The following NAV2 variants were observed in gnomAD, a reference collection of about 807,000 sequenced individuals.
NAV2 encodes neuron navigator 2, also known as helicase, APC down-regulated 1.
NAV2 carries 54 observed loss-of-function variants against 223.2 expected under a neutral mutation model. The ratio of observed to expected loss-of-function variants is 0.24; its 90% CI spans 0.19 to 0.30. The LOEUF is 0.30. NAV2 is among the 10% of genes least tolerant of loss of function. The probability of loss-of-function intolerance (pLI) is 1.00; values close to 1 mark genes in which losing one functional copy is unlikely to be tolerated. For missense variants in NAV2, 2,806 were observed against 3,147.5 expected, an observed-to-expected ratio of 0.89 and a Z score of 2.60; for synonymous variants, 1,279 against 1,239.3, an observed-to-expected ratio of 1.03 and a Z score of -0.67.
At chr11:19,633,327 C>A (rs2047397509) in intron 1 of NAV2, among the ~76,000 whole-genome samples, 1 of 152,234 alleles carries the variant, frequency 6.6e-6, no homozygotes, top group Admixed American at 6.5e-5. Context: ...GATTTTGTCT[C>A]CCCAGACAGA....
At chr11:19,476,656 A>C (rs185404154) in intron 1 of NAV2, among the ~76,000 whole-genome samples, 89 of 152,354 alleles carry the variant, frequency 5.8e-4, no homozygotes, top group Middle Eastern at 3.4e-3. Context: ...AGCACATGTT[A>C]GACAGAACAA....
chr11:20,079,414 C>T (rs1324675449), intron 24 of NAV2, among the ~76,000 whole-genome samples: 3 of 152,148 alleles, frequency 2.0e-5, no homozygotes, highest in Non-Finnish European at 4.4e-5. Context: ...TGGTTTGACC[C>T]TACAACTAGT....
intron 1 of NAV2, among the ~76,000 whole-genome samples, chr11:19,673,805 G>A (rs1010220895): frequency 4.6e-5 from 7 of 152,140 alleles, no homozygotes; most frequent in African/African-American, 1.7e-4. Flanking sequence ...AGCAACCAGG[G>A]CTCAGGGGCA....
chr11:20,037,651 A>C (rs548216507), intron 12 of NAV2, among the ~76,000 whole-genome samples: 1 of 152,334 alleles, frequency 6.6e-6, no homozygotes, highest in Admixed American at 6.5e-5. Flanking sequence ...CTATGTAAGT[A>C]TGTTAATTTT....
intron 11 of NAV2, among the ~76,000 whole-genome samples, chr11:20,011,777 T>C (rs186820344): frequency 2.6e-5 from 4 of 152,388 alleles, no homozygotes; most frequent in African/African-American, 9.6e-5. Context: ...ACATCATTCT[T>C]AATGGTCACA....
intron 1 of NAV2, among the ~76,000 whole-genome samples, chr11:19,673,501 C>T (rs1399029070): frequency 6.6e-6 from 1 of 152,240 alleles, no homozygotes; most frequent in Admixed American, 6.5e-5. Context: ...AACCTCTCCT[C>T]TCACCACCCT....
At chr11:19,511,890 C>T (rs1448024813) in intron 1 of NAV2, among the ~76,000 whole-genome samples, 2 of 152,178 alleles carry the variant, frequency 1.3e-5, no homozygotes, top group African/African-American at 4.8e-5. Context: ...TCCCTCCTGA[C>T]CCAGGACACA....
At position 19,999,732 on chromosome 11, in the gene NAV2, C is replaced by T. The variant is rs540006263; in HGVS notation, c.2768+15485C>T. Among the ~76,000 whole-genome samples the T allele has an allele frequency of 6.6e-5, 10 of 152,268 alleles. No homozygotes were observed. The South Asian group carries it at 1.7e-3, about 25-fold the overall frequency. On this transcript the variant is annotated intron_variant, in intron 11 of 37. Coordinates refer to ENST00000349880, the MANE Select transcript of NAV2 (RefSeq NM_145117.5). ...AGTTCAGATGCTGACTGTGCTGCTA[C>T]GTAGAGGTCAGTTAACCATCCTGAG...
At chr11:19,975,368 A>G (rs940527380) in intron 10 of NAV2, among the ~76,000 whole-genome samples, 28 of 152,364 alleles carry the variant, frequency 1.8e-4, no homozygotes, top group African/African-American at 6.7e-4. Flanking sequence ...CTATTGTTAT[A>G]ATCCTTGGCT....
intron 1 of NAV2, among the ~76,000 whole-genome samples, chr11:19,436,935 C>T (rs1160212636): frequency 6.6e-6 from 1 of 151,984 alleles, no homozygotes; most frequent in Non-Finnish European, 1.5e-5. Context: ...ATTTTATATC[C>T]TGTAACTTTA....
chr11:20,070,132 G>A (rs951541366), intron 22 of NAV2, among the ~76,000 whole-genome samples: 1 of 152,148 alleles, frequency 6.6e-6, no homozygotes, highest in Non-Finnish European at 1.5e-5. Flanking sequence ...TTAATTCTGA[G>A]GCGTAGGTCC....
intron 1 of NAV2, among the ~76,000 whole-genome samples, chr11:19,471,892 C>T (rs1042669493): frequency 3.9e-5 from 6 of 152,190 alleles, no homozygotes; most frequent in African/African-American, 1.4e-4. Flanking sequence ...TCAGATCCTC[C>T]CTCCTACCTG....
intron 6 of NAV2, among the ~76,000 whole-genome samples, chr11:19,898,131 G>A (rs2042152256): frequency 6.6e-6 from 1 of 151,942 alleles, no homozygotes. Context: ...TTATGAATTT[G>A]AAACATTTGG....
intron 1 of NAV2, among the ~76,000 whole-genome samples, chr11:19,809,176 T>C (rs2058731413): frequency 1.3e-5 from 2 of 152,212 alleles, no homozygotes; most frequent in Admixed American, 6.5e-5. Context: ...TTCTAGGAAA[T>C]TCATGCATGC....
chr11:19,936,549 C>T (rs561772529), intron 7 of NAV2, among the ~76,000 whole-genome samples: 1 of 152,260 alleles, frequency 6.6e-6, no homozygotes, highest in East Asian at 1.9e-4. Context: ...TCCTTCTGTC[C>T]CCTCTGAGTT....
intron 11 of NAV2, among the ~76,000 whole-genome samples, chr11:20,000,840 C>T (rs993739457): frequency 5.9e-5 from 9 of 152,184 alleles, no homozygotes; most frequent in African/African-American, 1.2e-4. Context: ...CTCTGTAGCA[C>T]GTCCTTGTGT....
At chr11:19,513,727 A>G (rs1401940174) in intron 1 of NAV2, among the ~76,000 whole-genome samples, 1 of 152,230 alleles carries the variant, frequency 6.6e-6, no homozygotes, top group African/African-American at 2.4e-5. Flanking sequence ...TAAAGTCATC[A>G]CAGATGTAAT....
At chr11:19,580,500 T>C (rs1472451715) in intron 1 of NAV2, among the ~76,000 whole-genome samples, 1 of 152,112 alleles carries the variant, frequency 6.6e-6, no homozygotes, top group Non-Finnish European at 1.5e-5. Context: ...CTTCCTCTTC[T>C]TGCAAAGCAC....
At chr11:20,077,450 A>G in intron 22 of NAV2, 102 bp from the exon 23 acceptor site, 1 of 833,944 alleles carries the variant, frequency 1.2e-6, no homozygotes, top group Non-Finnish European at 2.0e-6. Context: ...AAAGTAGCCT[A>G]GATCAATGGA....
Sources: allele counts gnomAD v4.1 joint callset (sites outside exome capture counted in the v4.1 genomes callset), GRCh38; gene constraint gnomAD v4.1.1; transcripts MANE v1.5; gene names NCBI Gene and HGNC (gene_info 2026-07-23, HGNC 2026-07-21).